Variants in DPP3 observed in about 807,000 individuals in gnomAD.
DPP3 encodes the protein dipeptidyl peptidase 3, also known as DPP III.
DPP3 carries 64 observed loss-of-function variants against 89.8 expected under a neutral mutation model. That is an observed-to-expected ratio of 0.71 (90% CI 0.58 to 0.88). The LOEUF (loss-of-function observed/expected upper bound fraction) is 0.88, where lower values mean the gene tolerates loss of function less well. Ranked by LOEUF, DPP3 falls within the 40% of genes least tolerant of loss-of-function variation. The pLI is 0.00. For synonymous variants in DPP3, 377 were observed against 404.3 expected (o/e 0.93, Z 0.81); for missense variants, 835 against 972.5 (o/e 0.86, Z 1.88).
rs1855117820 is a variant in DPP3 at position 66,482,553 on chromosome 11, G to C, written c.270+83G>C. 3.9e-6 allele frequency: 6 copies of C among 1,549,058 alleles called. No individual in the cohort carries two copies. The South Asian group carries it at 5.9e-5, about 15-fold the overall frequency. On this transcript the variant is annotated intron_variant, in intron 2 of 17. Transcript: ENST00000531863. ...GGATGCAAATGTCTGTCTCTTTCAA[G>C]GGGTAGGTGGAGGATTAGACCAAAG...
chr11:66,509,208 G>C lies in DPP3; in HGVS notation c.2171G>C (p.Arg724Pro), dbSNP rs200469305. The change falls in exon 18 of 18, where the codon CGA becomes CCA. Residue 724 changes from arginine (R) to proline (P), a missense_variant. Transcript: ENST00000531863. ...ILTQLATADA[R>P]FWKGPSEAPS... ...ACACAGCTGGCCACAGCCGATGCCCGATTCTGGAAGGGCCCCAGTGAGGCC... is the reference window on the plus strand; with the variant it reads ...ACACAGCTGGCCACAGCCGATGCCCCATTCTGGAAGGGCCCCAGTGAGGCC... The C allele has an allele frequency of 1.3e-5, 21 of 1,613,652 alleles. No homozygotes were observed. The highest frequency in any genetic ancestry group is 4.0e-5 in the African/African-American group (3 of 74,922).
chr11:66,506,199 A>T (rs1280134735), intron 17 of DPP3, among the ~76,000 whole-genome samples: 13 of 144,894 alleles, frequency 9.0e-5, no homozygotes, highest in East Asian at 6.3e-4. Context: ...TGATCTACCC[A>T]CCTCAGCCTC....
intron 16 of DPP3, among the ~76,000 whole-genome samples, chr11:66,497,891 T>TAAA (rs566236707): frequency 3.6e-5 from 5 of 138,368 alleles, no homozygotes; most frequent in East Asian, 4.2e-4. Context: ...ACCCTATCTC[T>TAAA]AAAAAAAAAA....
Position 66,491,329 on chromosome 11 carries a change from G to T in DPP3, c.744G>T (p.Arg248=). ...GGGGAAGCCCTTTCCAGGTGACCCG[G>T]GGGGACTACGCGCCCATCCTCCAGA... ...EFRGSPFQVT[R]GDYAPILQKV... The change falls in exon 7 of 18, where the codon CGG becomes CGT. Residue 248 remains arginine, a synonymous_variant. Coordinates refer to ENST00000531863, the MANE Select transcript of DPP3 (RefSeq NM_130443.4). 6.2e-7 allele frequency: 1 copy of T among 1,614,058 alleles called. No individual in the cohort carries two copies.
At chr11:66,491,175 G>A in intron 6 of DPP3, 78 bp from the exon 7 acceptor site, 1 of 1,586,808 alleles carries the variant, frequency 6.3e-7, no homozygotes, top group Non-Finnish European at 8.5e-7. Flanking sequence ...GCCGGCTGAG[G>A]TGTCTTACTC....
intron 3 of DPP3, 151 bp downstream of exon 3, chr11:66,485,413 C>A (rs1374185229): frequency 4.0e-6 from 3 of 741,882 alleles, no homozygotes; most frequent in Non-Finnish European, 6.7e-6. Context: ...GTGGGTGTCA[C>A]CAGCCTCACT....
At position 66,486,679 on chromosome 11, in the gene DPP3, T is replaced by C. The variant is rs1435936368; in HGVS notation, c.498+2T>C. On this transcript the variant is annotated splice_donor_variant, in intron 4 of 17. Transcript: ENST00000531863. LOFTEE classifies it high-confidence loss of function. The stretch of plus-strand genomic sequence containing the variant: ...CGACACCTCGGACTGGGGAAGGAGG[T>C]GAGGCCCCTGACTCCCCCGAGGGGA... 1 of 1,504,528 alleles carries C rather than the reference T, an allele frequency of 6.6e-7. No individual in the cohort carries two copies. Among genetic ancestry groups the C allele is most frequent in the Non-Finnish European group, 8.9e-7 (1 of 1,124,532 alleles). The allele number at this position is 1,504,528 out of a possible 1,614,324, so 93.2% of individuals were successfully genotyped here. A position where few individuals can be genotyped will look rare whatever the true frequency, so the allele number is the denominator to read the frequency against.
At chr11:66,506,283 T>G (rs1314431790) in intron 17 of DPP3, among the ~76,000 whole-genome samples, 1 of 148,222 alleles carries the variant, frequency 6.7e-6, no homozygotes, top group Non-Finnish European at 1.5e-5. Context: ...AGACGGAGTT[T>G]CCCTCTTGTT....
intron 1 of DPP3, 146 bp downstream of exon 1, chr11:66,480,611 G>A: frequency 1.1e-6 from 1 of 933,616 alleles, no homozygotes; most frequent in African/African-American, 1.7e-5. Flanking sequence ...GCCAAGGAGT[G>A]CTCCGGGGAG....
intron 16 of DPP3, among the ~76,000 whole-genome samples, chr11:66,498,004 C>T (rs966064564): frequency 4.0e-5 from 6 of 150,096 alleles, no homozygotes; most frequent in African/African-American, 1.5e-4. Context: ...GGCGTGATCT[C>T]GGCTCACTGT....
Position 66,509,564 on chromosome 11 carries a change from G to A in DPP3, c.*313G>A, listed in dbSNP as rs17065. On this transcript the variant is annotated 3_prime_UTR_variant, in exon 18 of 18. Coordinates refer to ENST00000531863, the MANE Select transcript of DPP3 (RefSeq NM_130443.4). ...CTGGTCTAGATCCCGCAGGTGGCAC[G>A]TGACAGCTAGGGTTCAAAACGTTCT... The A allele has an allele frequency of 0.21, 161,404 of 760,132 alleles. 19,504 individuals are homozygous for A. The highest frequency in any genetic ancestry group is 0.24 in the Non-Finnish European group (105,153 of 441,136). The allele number at this position is 760,132 out of a possible 1,614,324, so 47.1% of individuals were successfully genotyped here.
chr11:66,504,210 G>A (rs551801443), intron 16 of DPP3, among the ~76,000 whole-genome samples: 5 of 151,166 alleles, frequency 3.3e-5, no homozygotes, highest in African/African-American at 9.7e-5. Flanking sequence ...CTCTCACCTC[G>A]GACTCCCCAA....
chr11:66,492,645 T>G, intron 9 of DPP3, 71 bp from the exon 10 acceptor site: 1 of 1,503,958 alleles, frequency 6.6e-7, no homozygotes, highest in Non-Finnish European at 8.9e-7. Context: ...ACATGCGTGA[T>G]GGCTGGAGTA....
At chr11:66,484,419 A>G (rs1418162714) in intron 2 of DPP3, among the ~76,000 whole-genome samples, 1 of 152,116 alleles carries the variant, frequency 6.6e-6, no homozygotes, top group Non-Finnish European at 1.5e-5. Flanking sequence ...ACTCAGTGCT[A>G]CCACTGGGAT....
intron 17 of DPP3, among the ~76,000 whole-genome samples, chr11:66,505,799 C>T (rs1296866560): frequency 7.0e-6 from 1 of 143,642 alleles, no homozygotes; most frequent in Non-Finnish European, 1.5e-5. Flanking sequence ...AGAGCAAGAC[C>T]TCAACTCTTT....
At chr11:66,481,924 A>G in intron 1 of DPP3, 1 of 483,452 alleles carries the variant, frequency 2.1e-6, no homozygotes, top group Non-Finnish European at 3.8e-6. Flanking sequence ...CTGGGATTAC[A>G]GGTGTGAGCC....
rs1177826912 is a variant in DPP3, at chr11:66,491,594, G to A, written c.899G>A (p.Trp300Ter). The A allele has an allele frequency of 2.0e-5, 32 of 1,613,744 alleles. No individual in the cohort carries two copies. The highest frequency in any genetic ancestry group is 2.7e-5 in the Non-Finnish European group (32 of 1,179,830). Residue 300 changes from tryptophan to a stop codon, truncating the protein, a stop_gained, in exon 8 of 18, where the codon TGG becomes TAG. Coordinates refer to ENST00000531863, the MANE Select transcript of DPP3 (RefSeq NM_130443.4). LOFTEE classifies it high-confidence loss of function. Reference protein sequence around the residue: ...IEAHKRGSRFWIQDKGPIVES... With the variant: ...IEAHKRGSRF ...GCCCACAAGAGGGGCTCCCGCTTCT[G>A]GATCCAGGACAAAGGCCCCATCGTG...
rs1046037700 is a variant in DPP3, at chr11:66,493,316, G to C, written c.1296+137G>C. ...TCTGCCACTTCCCAACCATGTGACC[G>C]TGTGGACTTTGGAGCCTCAGTTTCC... On this transcript the variant is annotated intron_variant, in intron 11 of 17. Coordinates refer to ENST00000531863, the MANE Select transcript of DPP3 (RefSeq NM_130443.4). 8 of 861,710 alleles carry C rather than the reference G, an allele frequency of 9.3e-6. No individual in the cohort carries two copies. The East Asian group carries it at 2.1e-4, about 23-fold the overall frequency. The allele number at this position is 861,710 out of a possible 1,614,324, so 53.4% of individuals were successfully genotyped here.
chr11:66,483,468 G>A (rs1354447299), intron 2 of DPP3, among the ~76,000 whole-genome samples: 1 of 152,068 alleles, frequency 6.6e-6, no homozygotes, highest in Non-Finnish European at 1.5e-5. Context: ...TCCATTGAAT[G>A]CCATGTCTTG....
Sources: allele counts gnomAD v4.1 joint callset (sites outside exome capture counted in the v4.1 genomes callset), GRCh38; gene constraint gnomAD v4.1.1; transcripts MANE v1.5; gene names NCBI Gene and HGNC (gene_info 2026-07-23, HGNC 2026-07-21).